IL15RA: variants seen among roughly 807,000 people sequenced by gnomAD.
The protein encoded by IL15RA is interleukin-15 receptor subunit alpha.
In IL15RA, 26 loss-of-function variants were observed where a neutral mutation model predicts 24.2. The ratio of observed to expected loss-of-function variants is 1.07; its 90% CI spans 0.79 to 1.49. The LOEUF (loss-of-function observed/expected upper bound fraction) is 1.49. IL15RA is among the 40% of genes most tolerant of loss of function. IL15RA has a pLI of 0.00. For synonymous variants in IL15RA, 166 were observed against 157.6 expected (o/e 1.05, Z -0.40); for missense variants, 354 against 356.4 (o/e 0.99, Z 0.05).
At position 5,953,008 on chromosome 10, in the gene IL15RA, G is replaced by T; in HGVS notation, c.*87C>A. 1 of 990,710 alleles carries T rather than the reference G, an allele frequency of 1.0e-6. No homozygotes were observed. The highest frequency in any genetic ancestry group is 1.6e-6 in the Non-Finnish European group (1 of 632,214). 61.4% of individuals were successfully genotyped at this position (990,710 alleles called of 1,614,324 possible). ...CCTGGTGAGCTTGCTCCTGGAGCCC[G>T]CTTCCTTGCACCTCTTCTCAGTCGT... On this transcript the variant is annotated 3_prime_UTR_variant, in exon 7 of 7. Transcript: ENST00000379977. This position sits in a 1 kb window ranked among gnomAD's most constrained non-coding sequence, Gnocchi z 5.3.
Position 5,960,245 on chromosome 10 carries a change from G to C in IL15RA, c.583+122C>G, listed in dbSNP as rs1835272749. The C allele has an allele frequency of 1.1e-6, 1 of 928,782 alleles. No homozygotes were observed. The highest frequency in any genetic ancestry group is 1.6e-5 in the African/African-American group (1 of 61,640). 57.5% of individuals were successfully genotyped at this position (928,782 alleles called of 1,614,324 possible). ...CCGTGGCTGGTGGCCGGGGCCAGCA[G>C]GCTGCCCAGTGAATCCTGACTTTGG... is the stretch of plus-strand genomic sequence containing the variant. On this transcript the variant is annotated intron_variant, in intron 4 of 6. Coordinates refer to ENST00000379977, the MANE Select transcript of IL15RA (RefSeq NM_002189.4). This position sits in a 1 kb window ranked among gnomAD's most constrained non-coding sequence, Gnocchi z 5.1.
chr10:5,970,344 A>C lies in IL15RA; in HGVS notation c.89-4005T>G, dbSNP rs1168836029. Among the ~76,000 whole-genome samples the C allele has an allele frequency of 6.6e-6, 1 of 152,148 alleles. No homozygotes were observed. The highest frequency in any genetic ancestry group is 1.5e-5 in the Non-Finnish European group (1 of 68,044). On this transcript the variant is annotated intron_variant, in intron 1 of 6. Coordinates refer to ENST00000379977, the MANE Select transcript of IL15RA (RefSeq NM_002189.4). This position sits in a 1 kb window ranked among gnomAD's most constrained non-coding sequence, Gnocchi z 4.1. The stretch of plus-strand genomic sequence containing the variant: ...TATGTTTTGCTTTGACATATGTTAT[A>C]CCCCATGACACATTGTTATTATTTT...
At position 5,968,263 on chromosome 10, in the gene IL15RA, C is replaced by T. The variant is rs1040679073; in HGVS notation, c.89-1924G>A. Reference sequence around the variant, plus strand: ...CACCTAAGTCCACACAAAAACATCCCAAACCTCACTAACACATCCCTGTTA... The same window carrying T: ...CACCTAAGTCCACACAAAAACATCCTAAACCTCACTAACACATCCCTGTTA... On this transcript the variant is annotated intron_variant, in intron 1 of 6. Transcript: ENST00000379977. The surrounding 1 kb of genome is among the most constrained non-coding windows in gnomAD (Gnocchi z 5.4). 1.3e-5 allele frequency among the ~76,000 whole-genome samples: 2 copies of T among 151,264 alleles called. No homozygotes were observed. Among genetic ancestry groups the T allele is most frequent in the African/African-American group, 4.8e-5 (2 of 41,302 alleles).
Position 5,968,779 on chromosome 10 carries a change from C to T in IL15RA, c.89-2440G>A, listed in dbSNP as rs144120956. ...CCATGATAGATGGCTGTGCTACCTG[C>T]TTGCTGCCTGCTTGTCCGATGGTGG... On this transcript the variant is annotated intron_variant, in intron 1 of 6. Transcript: ENST00000379977. The surrounding 1 kb of genome is among the most constrained non-coding windows in gnomAD (Gnocchi z 5.4). 12 of 705,264 alleles carry T rather than the reference C, an allele frequency of 1.7e-5. No homozygotes were observed. In the Admixed American group the frequency reaches 2.2e-4, roughly 13 times the overall value. 43.7% of individuals were successfully genotyped at this position (705,264 alleles called of 1,614,324 possible). A position where few individuals can be genotyped will look rare whatever the true frequency, so the allele number is the denominator to read the frequency against.
At chr10:5,977,674 C>T (rs887139321), upstream of IL15RA, 298 of 1,240,338 alleles carry the variant, frequency 2.4e-4, no homozygotes, top group South Asian at 4.0e-4. Context: ...TCAGCGTCCC[C>T]ACCCCTGCTG....
downstream of IL15RA, among the ~76,000 whole-genome samples, chr10:5,950,066 A>T (rs1833766007): frequency 6.6e-6 from 1 of 151,386 alleles, no homozygotes; most frequent in Non-Finnish European, 1.5e-5. This position sits in a 1 kb window ranked among gnomAD's most constrained non-coding sequence, Gnocchi z 5.6. Context: ...ATTGCACTCC[A>T]GCCTGGACAG....
Position 5,958,355 on chromosome 10 carries a change from CA to C in IL15RA, c.616+1398del. On this transcript the variant is annotated intron_variant, in intron 5 of 6. Transcript: ENST00000379977. This position sits in a 1 kb window ranked among gnomAD's most constrained non-coding sequence, Gnocchi z 4.3. The stretch of plus-strand genomic sequence containing the variant: ...GGTAGCAAGTGTTGCTTCCTTCCTG[CA>C]AGGGGATTTTTGAGTTAGAAATGGG... 1 of 446,384 alleles carries C rather than the reference CA, an allele frequency of 2.2e-6. No individual in the cohort carries two copies. The highest frequency in any genetic ancestry group is 4.5e-6 in the Non-Finnish European group (1 of 222,688). 27.7% of individuals were successfully genotyped at this position (446,384 alleles called of 1,614,324 possible).
Position 5,977,472 on chromosome 10 carries a change from G to A in IL15RA, c.21C>T (p.Arg7=), listed in dbSNP as rs1345772076. 2.2e-6 allele frequency: 3 copies of A among 1,357,756 alleles called. No individual in the cohort carries two copies. Among genetic ancestry groups the A allele is most frequent in the African/African-American group, 3.0e-5 (2 of 65,780 alleles). The allele number at this position is 1,357,756 out of a possible 1,614,324, so 84.1% of individuals were successfully genotyped here. A position where few individuals can be genotyped will look rare whatever the true frequency, so the allele number is the denominator to read the frequency against. MAPRRA[R]GCRTLGLPAL... ...CCGGGAGACCGAGGGTCCGGCAGCC[G>A]CGCGCCCGCCGCGGGGCCATGGCGG... The change falls in exon 1 of 7, where the codon CGC becomes CGT. Residue 7 remains arginine, a synonymous_variant. Coordinates refer to ENST00000379977, the MANE Select transcript of IL15RA (RefSeq NM_002189.4).
Position 5,963,653 on chromosome 10 carries a change from A to G in IL15RA, c.382+90T>C, listed in dbSNP as rs1017469894. The G allele has an allele frequency of 1.4e-6, 1 of 710,734 alleles. No individual in the cohort carries two copies. Among genetic ancestry groups the G allele is most frequent in the Non-Finnish European group, 2.2e-6 (1 of 449,792 alleles). The allele number at this position is 710,734 out of a possible 1,614,324, so 44.0% of individuals were successfully genotyped here. A position where few individuals can be genotyped will look rare whatever the true frequency, so the allele number is the denominator to read the frequency against. On this transcript the variant is annotated intron_variant, in intron 3 of 6. Coordinates refer to ENST00000379977, the MANE Select transcript of IL15RA (RefSeq NM_002189.4). This position sits in a 1 kb window ranked among gnomAD's most constrained non-coding sequence, Gnocchi z 5.3. ...TTGCCTAAGTCTGCAGTGGCACACC[A>G]CAGAGGTCCGTGAGTCTGCAGGATT...
At position 5,953,079 on chromosome 10, in the gene IL15RA, C is replaced by T; in HGVS notation, c.*16G>A. 6.3e-7 allele frequency: 1 copy of T among 1,579,822 alleles called. No homozygotes were observed. Among genetic ancestry groups the T allele is most frequent in the Non-Finnish European group, 8.7e-7 (1 of 1,148,546 alleles). The stretch of plus-strand genomic sequence containing the variant: ...CTCCTTCACTCCGGACTTAGCTGGG[C>T]TGGTTTCCCCGAGTTTCATAGGTGG... On this transcript the variant is annotated 3_prime_UTR_variant, in exon 7 of 7. Coordinates refer to ENST00000379977, the MANE Select transcript of IL15RA (RefSeq NM_002189.4). This position sits in a 1 kb window ranked among gnomAD's most constrained non-coding sequence, Gnocchi z 5.3.
chr10:5,972,368 G>C (rs1455250898), intron 1 of IL15RA, among the ~76,000 whole-genome samples: 2 of 152,056 alleles, frequency 1.3e-5, no homozygotes, highest in African/African-American at 4.8e-5. Flanking sequence ...TATTATTACT[G>C]TTATTATTTT....
Position 5,959,029 on chromosome 10 carries a change from C to T in IL15RA, c.616+725G>A, listed in dbSNP as rs1218374290. 2.6e-5 allele frequency among the ~76,000 whole-genome samples: 4 copies of T among 152,094 alleles called. No homozygotes were observed. Among genetic ancestry groups the T allele is most frequent in the African/African-American group, 7.2e-5 (3 of 41,410 alleles). ...CAGCTTTTTCTTTTAGTCTTGTAAA[C>T]GCTTTCCCCTTTTCCTCCTTATCAT... On this transcript the variant is annotated intron_variant, in intron 5 of 6. Coordinates refer to ENST00000379977, the MANE Select transcript of IL15RA (RefSeq NM_002189.4). The surrounding 1 kb of genome is among the most constrained non-coding windows in gnomAD (Gnocchi z 4.1).
Position 5,967,481 on chromosome 10 carries a change from G to A in IL15RA, c.89-1142C>T, listed in dbSNP as rs1258457848. Among the ~76,000 whole-genome samples, 1 of 152,244 alleles carries A rather than the reference G, an allele frequency of 6.6e-6. No individual in the cohort carries two copies. Among genetic ancestry groups the A allele is most frequent in the African/African-American group, 2.4e-5 (1 of 41,474 alleles). ...GCCTCCCAAAGTGTTGGGATTACAG[G>A]TGTGAGCCACCGCACCCGGCCAAGA... On this transcript the variant is annotated intron_variant, in intron 1 of 6. Transcript: ENST00000379977. This position sits in a 1 kb window ranked among gnomAD's most constrained non-coding sequence, Gnocchi z 4.4.
rs8177687 is a variant in IL15RA at position 5,965,874 on chromosome 10, C to T, written c.283+271G>A. Among the ~76,000 whole-genome samples the T allele has an allele frequency of 8.7e-3, 1,327 of 152,284 alleles. 20 individuals are homozygous for T. The highest frequency in any genetic ancestry group is 0.031 in the African/African-American group (1,269 of 41,554). On this transcript the variant is annotated intron_variant, in intron 2 of 6. Transcript: ENST00000379977. This position sits in a 1 kb window ranked among gnomAD's most constrained non-coding sequence, Gnocchi z 5.8. ...TAGCTGGGATTACAGGCGCCTGCCA[C>T]CACGCCCGGCTACTTTTTGTATTTT...
Position 5,960,441 on chromosome 10 carries a change from G to T in IL15RA, c.509C>A (p.Ser170Tyr), listed in dbSNP as rs1364750320. ...TGTCTGAGAGGGGGTGCCGTGGGAG[G>T]ACTCATGACTGCTTATCTCTGTGGT... ...TGTTEISSHE[S>Y]SHGTPSQTTA... Residue 170 changes from serine (S) to tyrosine (Y), a missense_variant, in exon 4 of 7, where the codon TCC (serine) becomes TAC (tyrosine). By Grantham distance (144) the Ser-to-Tyr change is moderately radical. Coordinates refer to ENST00000379977, the MANE Select transcript of IL15RA (RefSeq NM_002189.4). This position sits in a 1 kb window ranked among gnomAD's most constrained non-coding sequence, Gnocchi z 5.1. 2 of 1,614,144 alleles carry T rather than the reference G, an allele frequency of 1.2e-6. No individual in the cohort carries two copies. The highest frequency in any genetic ancestry group is 3.3e-5 in the Admixed American group (2 of 60,014).
chr10:5,966,170 C>T lies in IL15RA; in HGVS notation c.258G>A (p.Trp86Ter). 1 of 1,611,440 alleles carries T rather than the reference C, an allele frequency of 6.2e-7. No homozygotes were observed. The highest frequency in any genetic ancestry group is 1.1e-5 in the South Asian group (1 of 91,030). Residue 86 changes from tryptophan to a stop codon, truncating the protein, a stop_gained, in exon 2 of 7, where the codon TGG (tryptophan) becomes TGA (stop). Coordinates refer to ENST00000379977, the MANE Select transcript of IL15RA (RefSeq NM_002189.4). LOFTEE classifies it high-confidence loss of function. The surrounding 1 kb of genome is among the most constrained non-coding windows in gnomAD (Gnocchi z 6.4). Reference protein sequence around the residue: ...VLNKATNVAHWTTPSLKCIRD... With the variant: ...VLNKATNVAH ...TAATGCATTTGAGACTGGGGGTTGT[C>T]CAGTGGGCGACATTCGTGGCCTTGT... is the stretch of plus-strand genomic sequence containing the variant.
At chr10:5,957,278 T>A (rs1441636498) in intron 5 of IL15RA, among the ~76,000 whole-genome samples, 3 of 151,804 alleles carry the variant, frequency 2.0e-5, no homozygotes, top group African/African-American at 7.3e-5. Context: ...AACTTTTTCT[T>A]TCTTTCTTTC....
At position 5,964,004 on chromosome 10, in the gene IL15RA, G is replaced by T. The variant is rs980227028; in HGVS notation, c.284-163C>A. ...CATAAGAAACAATGTTTCCCCACCC[G>T]AATGCAAAGATAGACTGCAAACTAT... On this transcript the variant is annotated intron_variant, in intron 2 of 6. Coordinates refer to ENST00000379977, the MANE Select transcript of IL15RA (RefSeq NM_002189.4). The surrounding 1 kb of genome is among the most constrained non-coding windows in gnomAD (Gnocchi z 5.6). 2.0e-5 allele frequency among the ~76,000 whole-genome samples: 3 copies of T among 152,158 alleles called. No individual in the cohort carries two copies. The highest frequency in any genetic ancestry group is 2.9e-5 in the Non-Finnish European group (2 of 68,026).
At chr10:5,949,161 C>T (rs764230357), downstream of IL15RA, 2 of 466,458 alleles carry the variant, frequency 4.3e-6, no homozygotes, top group South Asian at 1.6e-5. The surrounding 1 kb of genome is among the most constrained non-coding windows in gnomAD (Gnocchi z 4.4). Context: ...ACGCTGGTGT[C>T]TTCCCTATAG....
Sources: allele counts gnomAD v4.1 joint callset (sites outside exome capture counted in the v4.1 genomes callset), GRCh38; gene constraint gnomAD v4.1.1; non-coding constraint Gnocchi (gnomAD v3.1); transcripts MANE v1.5; gene names NCBI Gene and HGNC (gene_info 2026-07-23, HGNC 2026-07-21).